The following KDM8 variants were observed in gnomAD, a reference collection of about 807,000 sequenced individuals.
KDM8 encodes lysine demethylase 8.
Under a neutral mutation model 46.9 loss-of-function variants are expected in KDM8, and 35 were observed. The ratio of observed to expected loss-of-function variants is 0.75; its 90% CI spans 0.57 to 0.99. KDM8 has a LOEUF of 0.99. Among genes scored for constraint, KDM8 ranks in the 50% least tolerant of loss-of-function variants. The probability of loss-of-function intolerance (pLI) is 0.00; values close to 1 mark genes in which losing one functional copy is unlikely to be tolerated. For synonymous variants in KDM8, 232 were observed against 227.7 expected, an observed-to-expected ratio of 1.02 and a Z score of -0.17; for missense variants, 475 against 537.0, an observed-to-expected ratio of 0.88 and a Z score of 1.14.
In KDM8 at chr16:27,204,369, A is replaced by G. The variant is rs1043941729; in HGVS notation, c.-32+733A>G. The G allele has an allele frequency of 5.2e-6, 7 of 1,336,598 alleles. No individual in the cohort carries two copies. The South Asian group carries it at 9.6e-5, about 18-fold the overall frequency. 82.8% of individuals were successfully genotyped at this position (1,336,598 alleles called of 1,614,324 possible). ...GGGCCACACGGACGACCCAAACACAAGACTGTGTGCCCCTTAGAGAGCCAA... is the reference window on the plus strand; with the variant it reads ...GGGCCACACGGACGACCCAAACACAGGACTGTGTGCCCCTTAGAGAGCCAA... On this transcript the variant is annotated intron_variant, in intron 1 of 7. Coordinates refer to ENST00000286096, the MANE Select transcript of KDM8 (RefSeq NM_024773.3).
chr16:27,203,713 C>A, intron 1 of KDM8, 77 bp downstream of exon 1: 2 of 214,076 alleles, frequency 9.3e-6, no homozygotes, highest in Non-Finnish European at 1.9e-5. Context: ...AGGCATAGAC[C>A]GCGCAGGCGT....
intron 1 of KDM8, among the ~76,000 whole-genome samples, chr16:27,208,234 G>A (rs2083445312): frequency 6.6e-6 from 1 of 152,214 alleles, no homozygotes; most frequent in Non-Finnish European, 1.5e-5. Flanking sequence ...GGCCGCCTAT[G>A]AAGACCAAAC....
intron 6 of KDM8, 174 bp from the exon 7 acceptor site, chr16:27,220,219 T>C: frequency 1.5e-6 from 1 of 650,108 alleles, no homozygotes; most frequent in East Asian, 2.6e-5. Context: ...AGACCCTGTC[T>C]CTAAAAAATA....
chr16:27,205,609 A>G (rs1412293366), intron 1 of KDM8, among the ~76,000 whole-genome samples: 2 of 152,148 alleles, frequency 1.3e-5, no homozygotes, highest in Non-Finnish European at 2.9e-5. Context: ...TGGGAAGCCA[A>G]GCAGATCACC....
At chr16:27,203,869 C>A (rs1048432567) in intron 1 of KDM8, 4 of 446,052 alleles carry the variant, frequency 9.0e-6, no homozygotes, top group African/African-American at 8.2e-5. Flanking sequence ...TCCGCGCGTG[C>A]GTATGCTCGT....
At position 27,207,158 on chromosome 16, in the gene KDM8, G is replaced by A. The variant is rs541776549; in HGVS notation, c.-31-2935G>A. Among the ~76,000 whole-genome samples, 4 of 152,258 alleles carry A rather than the reference G, an allele frequency of 2.6e-5. No individual in the cohort carries two copies. The East Asian group carries it at 5.8e-4, about 22-fold the overall frequency. On this transcript the variant is annotated intron_variant, in intron 1 of 7. Coordinates refer to ENST00000286096, the MANE Select transcript of KDM8 (RefSeq NM_024773.3). The stretch of plus-strand genomic sequence containing the variant: ...CGTGGTGGCTCACACCTGTAATCCC[G>A]GCACTTTAGGAGGCTGAGGTGGGTG...
At chr16:27,217,390 GCCAATCA>G (rs934008275) in intron 5 of KDM8, among the ~76,000 whole-genome samples, 30 of 152,306 alleles carry the variant, frequency 2.0e-4, no homozygotes, top group African/African-American at 7.0e-4. Flanking sequence ...GATCTGGTCA[GCCAATCA>G]CCTTTCAGAA....
chr16:27,220,718 C>T lies in KDM8; in HGVS notation c.1239C>T (p.Phe413=), dbSNP rs180843724. 1.1e-5 allele frequency: 17 copies of T among 1,614,216 alleles called. No homozygotes were observed. The East Asian group carries it at 3.6e-4, about 34-fold the overall frequency. The part of the protein sequence containing the change: ...RALDLSFSVS[F]WWS ...TGGATTTGAGCTTCTCGGTCAGCTT[C>T]TGGTGGTCGTAGCCAGGATAGGAGC... Residue 413 remains phenylalanine (F), a synonymous_variant, in exon 8 of 8, where the codon TTC becomes TTT. Transcript: ENST00000286096.
chr16:27,218,188 A>G (rs996980406), intron 5 of KDM8, among the ~76,000 whole-genome samples: 4 of 151,996 alleles, frequency 2.6e-5, no homozygotes, highest in Admixed American at 6.6e-5. Context: ...AGGCTGAGGC[A>G]GGAGGATCGC....
intron 3 of KDM8, 46 bp from the exon 4 acceptor site, chr16:27,214,830 C>T: frequency 1.2e-6 from 2 of 1,610,594 alleles, no homozygotes; most frequent in Non-Finnish European, 1.7e-6. Context: ...GTACTATGCC[C>T]AACAGATATT....
Position 27,210,505 on chromosome 16 carries a change from C to T in KDM8, c.382C>T (p.Leu128=). Residue 128 remains leucine (L), a synonymous_variant, in exon 2 of 8, where the codon CTG becomes TTG. Coordinates refer to ENST00000286096, the MANE Select transcript of KDM8 (RefSeq NM_024773.3). ...CCTGCGGGTCTGTGACATGGGCCTG[C>T]TGATGGGGGCAGCCATCCTGGGGGA... ...AALRVCDMGL[L]MGAAILGDIL... The T allele has an allele frequency of 6.4e-7, 1 of 1,563,650 alleles. No homozygotes were observed. The highest frequency in any genetic ancestry group is 8.7e-7 in the Non-Finnish European group (1 of 1,150,900).
intron 2 of KDM8, among the ~76,000 whole-genome samples, chr16:27,212,959 G>C (rs113234648): frequency 0.015 from 2,358 of 152,248 alleles, 61 homozygotes; most frequent in African/African-American, 0.052. Context: ...CAAAGTGCTG[G>C]GATTACAGGT....
intron 1 of KDM8, chr16:27,204,211 G>A: frequency 4.8e-6 from 7 of 1,449,592 alleles, no homozygotes; most frequent in Non-Finnish European, 6.4e-6. Flanking sequence ...GTGTGTGACT[G>A]CCCTAAGGAA....
At position 27,211,212 on chromosome 16, in the gene KDM8, G is replaced by A. The variant is rs868565655; in HGVS notation, c.498+591G>A. On this transcript the variant is annotated intron_variant, in intron 2 of 7. Transcript: ENST00000286096. ...GTTCCTGAGGGAAACAGCTTAAAGC[G>A]ATTGTGTGGGTGAGAGCTGCAGCCA... The A allele has an allele frequency of 2.0e-5, 9 of 454,050 alleles. No homozygotes were observed. In the East Asian group the frequency reaches 3.5e-4, roughly 18 times the overall value. The allele number at this position is 454,050 out of a possible 1,614,324, so 28.1% of individuals were successfully genotyped here. A position where few individuals can be genotyped will look rare whatever the true frequency, so the allele number is the denominator to read the frequency against.
intron 2 of KDM8, among the ~76,000 whole-genome samples, chr16:27,211,918 C>T (rs2083488477): frequency 1.3e-5 from 2 of 152,158 alleles, no homozygotes; most frequent in African/African-American, 4.8e-5. Context: ...GATCCACCCA[C>T]CTCAGCCTCC....
At chr16:27,209,218 A>G (rs1040542600) in intron 1 of KDM8, among the ~76,000 whole-genome samples, 1 of 152,202 alleles carries the variant, frequency 6.6e-6, no homozygotes, top group Non-Finnish European at 1.5e-5. Context: ...GCCTTGGGGC[A>G]AGTCACTTCA....
intron 1 of KDM8, among the ~76,000 whole-genome samples, chr16:27,205,977 C>T (rs763646468): frequency 3.9e-5 from 6 of 152,212 alleles, no homozygotes; most frequent in Admixed American, 6.5e-5. Flanking sequence ...ATTTGGGTTA[C>T]GGTAGGTGTC....
Position 27,221,162 on chromosome 16 carries a change from T to C in KDM8, c.*432T>C, listed in dbSNP as rs750967337. Reference sequence around the variant, plus strand: ...GATCCCCCACTTCGCTGTGCCCATATGGAAAAGAGGGCAAGGCCAGTCCTC... The same window carrying C: ...GATCCCCCACTTCGCTGTGCCCATACGGAAAAGAGGGCAAGGCCAGTCCTC... On this transcript the variant is annotated 3_prime_UTR_variant, in exon 8 of 8. Transcript: ENST00000286096. The C allele has an allele frequency of 1.2e-5, 4 of 331,694 alleles. No individual in the cohort carries two copies. The highest frequency in any genetic ancestry group is 4.9e-5 in the South Asian group (2 of 40,828). 20.5% of individuals were successfully genotyped at this position (331,694 alleles called of 1,614,324 possible).
chr16:27,217,043 G>A (rs560507563), intron 5 of KDM8, among the ~76,000 whole-genome samples: 31 of 152,266 alleles, frequency 2.0e-4, no homozygotes, highest in African/African-American at 6.3e-4. Flanking sequence ...AAGATGTTTC[G>A]GGTAATGGAG....
Sources: allele counts gnomAD v4.1 joint callset (sites outside exome capture counted in the v4.1 genomes callset), GRCh38; gene constraint gnomAD v4.1.1; transcripts MANE v1.5; gene names NCBI Gene and HGNC (gene_info 2026-07-23, HGNC 2026-07-21).